SPRTN: variants seen among roughly 807,000 people sequenced by gnomAD.
SPRTN encodes SprT-like N-terminal domain.
A neutral mutation model predicts 31.9 loss-of-function variants in SPRTN; 11 were observed. The ratio of observed to expected loss-of-function variants is 0.34; its 90% CI spans 0.22 to 0.57. The LOEUF (loss-of-function observed/expected upper bound fraction) is 0.57, where lower values mean the gene tolerates loss of function less well. Among genes scored for constraint, SPRTN ranks in the 20% least tolerant of loss-of-function variants. SPRTN has a pLI of 0.86. For synonymous variants in SPRTN, 185 were observed against 212.1 expected (o/e 0.87, Z 1.11); for missense variants, 482 against 590.1 (o/e 0.82, Z 1.90).
At chr1:231,339,545 C>A (rs1686797895) in intron 1 of SPRTN, 9 of 733,528 alleles carry the variant, frequency 1.2e-5, no homozygotes, top group African/African-American at 1.7e-5. Context: ...GGTGAGAGCA[C>A]GCTGCTTTCC....
Position 231,353,188 on chromosome 1 carries a change from G to C in SPRTN, c.1297G>C (p.Asp433His). Residue 433 changes from aspartate to histidine, a missense_variant, in exon 5 of 5, where the codon GAT becomes CAT. This residue lies in a region of SPRTN where 325 missense variants were observed against 350.2 expected (regional missense o/e 0.93). Coordinates refer to ENST00000295050, the MANE Select transcript of SPRTN (RefSeq NM_032018.7). ...KKEQIKSSGN[D>H]PKYSTTTAQN... is the part of the protein sequence containing the mutation. ...AGAGCAAATAAAAAGCAGTGGTAAT[G>C]ATCCAAAGTATAGTACAACCACAGC... 1 of 1,613,488 alleles carries C rather than the reference G, an allele frequency of 6.2e-7. No homozygotes were observed. The highest frequency in any genetic ancestry group is 8.5e-7 in the Non-Finnish European group (1 of 1,179,886).
Position 231,352,955 on chromosome 1 carries a change from C to T in SPRTN, c.1064C>T (p.Thr355Ile). 6.2e-7 allele frequency: 1 copy of T among 1,614,106 alleles called. No individual in the cohort carries two copies. Among genetic ancestry groups the T allele is most frequent in the Non-Finnish European group, 8.5e-7 (1 of 1,179,996 alleles). ...AATGGATCTCCAAGGATAAGTGTAA[C>T]AGTTGGCAACATCCCTAAAAACTCA... is the stretch of plus-strand genomic sequence containing the variant. ...GVNGSPRISV[T>I]VGNIPKNSVS... The change falls in exon 5 of 5, where the codon ACA becomes ATA. Residue 355 changes from threonine to isoleucine, a missense_variant. This residue lies in a region of SPRTN where 325 missense variants were observed against 350.2 expected (regional missense o/e 0.93). Transcript: ENST00000295050.
intron 2 of SPRTN, 191 bp downstream of exon 2, chr1:231,340,059 AAAC>A (rs1686829115): frequency 4.0e-6 from 2 of 500,910 alleles, no homozygotes; most frequent in East Asian, 3.7e-5. Flanking sequence ...AAAAAAAAAA[AAAC>A]AAAAAAAAGG....
At chr1:231,338,743 A>G (rs117473196) in intron 1 of SPRTN, 139 bp downstream of exon 1, 9,361 of 913,382 alleles carry the variant, frequency 0.01, 77 homozygotes, top group South Asian at 0.013. Context: ...GGACCTGGCA[A>G]TTCCTGCCTC....
rs1351380002 is a variant in SPRTN, at chr1:231,339,563, CCCGGCGGGGATCGGA to C, written c.222-205_222-191del. ...GAGAGCACGCTGCTTTCCTTCCTTGCCCGGCGGGGATCGGAGCCATCGCGGGAGGCGCCCGCGGGG... is the reference window on the plus strand; with the variant it reads ...GAGAGCACGCTGCTTTCCTTCCTTGCGCCATCGCGGGAGGCGCCCGCGGGG... On this transcript the variant is annotated intron_variant, in intron 1 of 4. Coordinates refer to ENST00000295050, the MANE Select transcript of SPRTN (RefSeq NM_032018.7). 4 of 744,246 alleles carry C rather than the reference CCCGGCGGGGATCGGA, an allele frequency of 5.4e-6. No individual in the cohort carries two copies. The East Asian group carries it at 1.1e-4, about 21-fold the overall frequency. The allele number at this position is 744,246 out of a possible 1,614,324, so 46.1% of individuals were successfully genotyped here. A position where few individuals can be genotyped will look rare whatever the true frequency, so the allele number is the denominator to read the frequency against.
intron 3 of SPRTN, among the ~76,000 whole-genome samples, chr1:231,349,894 C>T (rs2295420): frequency 0.52 from 79,478 of 151,988 alleles, 22,763 homozygotes; most frequent in Non-Finnish European, 0.64. Context: ...CGCCTGTATT[C>T]GCGGCTACTC....
At chr1:231,342,885 C>T (rs1686940025) in intron 2 of SPRTN, among the ~76,000 whole-genome samples, 2 of 151,620 alleles carry the variant, frequency 1.3e-5, no homozygotes, top group African/African-American at 4.8e-5. Context: ...CAGGCACCCG[C>T]CACCATGCCA....
chr1:231,348,967 A>G (rs1424322689), intron 3 of SPRTN, among the ~76,000 whole-genome samples: 4 of 152,000 alleles, frequency 2.6e-5, no homozygotes, highest in Non-Finnish European at 4.4e-5. Flanking sequence ...CTCAACCGCC[A>G]TGTTTTGTTT....
intron 1 of SPRTN, 29 bp downstream of exon 1, chr1:231,338,633 G>T: frequency 6.2e-7 from 1 of 1,611,544 alleles, no homozygotes; most frequent in Non-Finnish European, 8.5e-7. Context: ...TGGGGAAAGA[G>T]GCGGGACTGG....
chr1:231,345,704 C>T (rs2102867348), intron 2 of SPRTN, among the ~76,000 whole-genome samples: 1 of 152,306 alleles, frequency 6.6e-6, no homozygotes, highest in South Asian at 2.1e-4. Flanking sequence ...TGCACTCCCA[C>T]CAGCAGTATA....
intron 2 of SPRTN, among the ~76,000 whole-genome samples, chr1:231,345,118 C>T (rs1375815801): frequency 6.6e-6 from 1 of 150,730 alleles, no homozygotes; most frequent in African/African-American, 2.4e-5. Flanking sequence ...CTTTTCTTTT[C>T]TTTTCTTTCT....
rs1003415024 is a variant in SPRTN, at chr1:231,354,656, A to T, written c.*1295A>T. 1 of 152,660 alleles carries T rather than the reference A, an allele frequency of 6.6e-6. No homozygotes were observed. The highest frequency in any genetic ancestry group is 2.4e-5 in the African/African-American group (1 of 41,474). The allele number at this position is 152,660 out of a possible 1,614,324, so 9.5% of individuals were successfully genotyped here. On this transcript the variant is annotated 3_prime_UTR_variant, in exon 5 of 5. Transcript: ENST00000295050. ...TAGTATCTTTGTTCCTATGTATAGC[A>T]GGAGTTCATTTTCATTGCTCTTGCA... is the stretch of plus-strand genomic sequence containing the variant.
At chr1:231,340,222 C>T (rs1686836659) in intron 2 of SPRTN, among the ~76,000 whole-genome samples, 1 of 151,936 alleles carries the variant, frequency 6.6e-6, no homozygotes, top group South Asian at 2.1e-4. Context: ...AGAAAATTAG[C>T]CGGGCGTGGT....
chr1:231,349,175 AC>A (rs1489250573), intron 3 of SPRTN, among the ~76,000 whole-genome samples: 1 of 151,890 alleles, frequency 6.6e-6, no homozygotes, highest in East Asian at 1.9e-4. Context: ...ACAGGGTCTC[AC>A]CATGTTGCCC....
chr1:231,354,491 C>T lies in SPRTN; in HGVS notation c.*1130C>T. ...TCACCTGTGTAACTACCACCCGGAT[C>T]AAGTTAGAGAACACTTCCATTGCCA... On this transcript the variant is annotated 3_prime_UTR_variant, in exon 5 of 5. Transcript: ENST00000295050. 1.5e-6 allele frequency: 1 copy of T among 649,280 alleles called. No individual in the cohort carries two copies. Among genetic ancestry groups the T allele is most frequent in the Non-Finnish European group, 1.9e-6 (1 of 522,628 alleles). The allele number at this position is 649,280 out of a possible 1,614,324, so 40.2% of individuals were successfully genotyped here.
intron 2 of SPRTN, among the ~76,000 whole-genome samples, chr1:231,346,048 C>T (rs1174366663): frequency 1.3e-5 from 2 of 151,990 alleles, no homozygotes; most frequent in Non-Finnish European, 2.9e-5. Flanking sequence ...CTCCTGGCCT[C>T]GAGCAATCCT....
In SPRTN at chr1:231,347,930, A is replaced by G; in HGVS notation, c.450+5A>G. The G allele has an allele frequency of 1.2e-6, 2 of 1,606,090 alleles. No homozygotes were observed. The highest frequency in any genetic ancestry group is 1.7e-6 in the Non-Finnish European group (2 of 1,178,150). ...CTGACTGGAGCCAATATAACGGTAT[A>G]GAAAGCCATATCTATTTATGATGTT... On this transcript the variant is annotated splice_donor_5th_base_variant and intron_variant, in intron 3 of 4. Coordinates refer to ENST00000295050, the MANE Select transcript of SPRTN (RefSeq NM_032018.7).
chr1:231,351,984 T>C, intron 4 of SPRTN: 2 of 1,002,840 alleles, frequency 2.0e-6, no homozygotes, highest in South Asian at 8.5e-5. Flanking sequence ...ATATACGTCC[T>C]AACTACACCC....
rs1179778725 is a variant in SPRTN at position 231,353,278 on chromosome 1, G to A, written c.1387G>A (p.Val463Ile). The change falls in exon 5 of 5, where the codon GTT becomes ATT. Residue 463 changes from valine to isoleucine, a missense_variant. Coordinates refer to ENST00000295050, the MANE Select transcript of SPRTN (RefSeq NM_032018.7). ...MVNCPVCQNEVLESQINEHLD... is the reference protein window; with the variant it reads ...MVNCPVCQNEILESQINEHLD... ...TAATTGCCCAGTTTGTCAGAATGAA[G>A]TTCTGGAGTCTCAGATTAATGAGCA... The A allele has an allele frequency of 1.2e-5, 20 of 1,613,372 alleles. No homozygotes were observed. The highest frequency in any genetic ancestry group is 1.6e-5 in the Non-Finnish European group (19 of 1,179,880).
Sources: allele counts gnomAD v4.1 joint callset (sites outside exome capture counted in the v4.1 genomes callset), GRCh38; gene constraint gnomAD v4.1.1; regional missense constraint gnomAD v4.1.1; transcripts MANE v1.5; gene names NCBI Gene and HGNC (gene_info 2026-07-23, HGNC 2026-07-21).